Variants in PLET1 observed in about 807,000 individuals in gnomAD.
PLET1 encodes placenta-expressed transcript 1 protein.
Under a neutral mutation model 18.5 loss-of-function variants are expected in PLET1, and 20 were observed. The observed-to-expected ratio is 1.08, with a 90% CI of 0.76 to 1.57. The LOEUF (loss-of-function observed/expected upper bound fraction) is 1.57, where lower values mean the gene tolerates loss of function less well. Ranked by LOEUF, PLET1 falls within the 40% of genes most tolerant of loss-of-function variation. PLET1 has a pLI of 0.00. For synonymous variants in PLET1, 93 were observed against 93.8 expected (o/e 0.99, Z 0.05); for missense variants, 256 against 246.4 (o/e 1.04, Z -0.26).
chr11:112,260,128 C>T (rs945562792), intron 1 of PLET1: 3 of 362,634 alleles, frequency 8.3e-6, no homozygotes, highest in Non-Finnish European at 1.5e-5. Flanking sequence ...TTATTTAAGT[C>T]AGAGAATCTA....
intron 1 of PLET1, 165 bp downstream of exon 1, chr11:112,260,241 C>T: frequency 1.4e-6 from 1 of 723,406 alleles, no homozygotes; most frequent in Non-Finnish European, 2.1e-6. Context: ...CCCCCCAGCC[C>T]ACTCCCTTAA....
At chr11:112,259,956 T>C (rs1200002764) in intron 1 of PLET1, among the ~76,000 whole-genome samples, 1 of 152,168 alleles carries the variant, frequency 6.6e-6, no homozygotes, top group Non-Finnish European at 1.5e-5. Context: ...AAGAATTGCT[T>C]GAACCCAGGA....
At chr11:112,255,288 A>C in intron 2 of PLET1, 100 bp downstream of exon 2, 1 of 1,215,364 alleles carries the variant, frequency 8.2e-7, no homozygotes, top group South Asian at 1.3e-5. Flanking sequence ...TCTCCATATC[A>C]CGTCTGGATT....
At chr11:112,257,318 C>T (rs1032261272) in intron 1 of PLET1, among the ~76,000 whole-genome samples, 1 of 152,092 alleles carries the variant, frequency 6.6e-6, no homozygotes, top group African/African-American at 2.4e-5. Context: ...TCCACTCCAA[C>T]AGCTTGCTTA....
intron 2 of PLET1, 149 bp from the exon 3 acceptor site, chr11:112,252,558 G>T: frequency 1.5e-6 from 1 of 689,348 alleles, no homozygotes; most frequent in Non-Finnish European, 2.4e-6. Context: ...ATACTGGTCT[G>T]CTTTTGATTG....
chr11:112,254,189 TG>T (rs1860185660), intron 2 of PLET1, among the ~76,000 whole-genome samples: 1 of 86,926 alleles, frequency 1.2e-5, no homozygotes, highest in South Asian at 4.8e-4. Flanking sequence ...TGAGCATAAG[TG>T]GTGTGTGTGT....
chr11:112,257,164 C>G (rs1333422299), intron 1 of PLET1, among the ~76,000 whole-genome samples: 1 of 152,194 alleles, frequency 6.6e-6, no homozygotes. Context: ...AAGAACCTAG[C>G]CTCAGCCTGC....
In PLET1 at chr11:112,251,137, G is replaced by T. The variant is rs187756439; in HGVS notation, c.448+1211C>A. Among the ~76,000 whole-genome samples the T allele has an allele frequency of 3.6e-4, 55 of 152,220 alleles. 1 individual carries two copies. In the East Asian group the frequency reaches 9.8e-3, roughly 27 times the overall value. ...TTTAAAAAAGTCATTCAAAAACAAT[G>T]TATTTTTATAGTTTTGATGTAAGTC... On this transcript the variant is annotated intron_variant, in intron 3 of 3. Coordinates refer to ENST00000338832, the MANE Select transcript of PLET1 (RefSeq NM_001145024.1).
rs1044664934 is a variant in PLET1 at position 112,253,752 on chromosome 11, A to G, written c.387-1343T>C. Among the ~76,000 whole-genome samples, 5 of 152,168 alleles carry G rather than the reference A, an allele frequency of 3.3e-5. No homozygotes were observed. The South Asian group carries it at 6.2e-4, about 19-fold the overall frequency. ...CCTCCTCCAAAGCCAATTAGGTCCA[A>G]CCAGGCCCAGTGCATGGAGGGAGAG... On this transcript the variant is annotated intron_variant, in intron 2 of 3. Coordinates refer to ENST00000338832, the MANE Select transcript of PLET1 (RefSeq NM_001145024.1).
At chr11:112,255,278 T>C in intron 2 of PLET1, 110 bp downstream of exon 2, 1 of 1,135,800 alleles carries the variant, frequency 8.8e-7, no homozygotes, top group Non-Finnish European at 1.3e-6. Context: ...ACTGCTGAGT[T>C]CTCCATATCA....
At position 112,248,946 on chromosome 11, in the gene PLET1, A is replaced by C; in HGVS notation, c.477T>G (p.Ile159Met). Residue 159 changes from isoleucine (I) to methionine (M), a missense_variant, in exon 4 of 4, where the codon ATT becomes ATG. Transcript: ENST00000338832. ...AAGGCTTGAAGGCTGAGCTCTGGGG[A>C]ATCTTGGCAGCTAAGGCTAAGGTTG... ...KLSTLALAAK[I>M]PQSSAFKPFF... is the part of the protein sequence containing the mutation. 1 of 1,550,652 alleles carries C rather than the reference A, an allele frequency of 6.4e-7. No homozygotes were observed. Among genetic ancestry groups the C allele is most frequent in the South Asian group, 1.2e-5 (1 of 84,006 alleles).
At chr11:112,251,310 G>C (rs1005672850) in intron 3 of PLET1, among the ~76,000 whole-genome samples, 1 of 151,472 alleles carries the variant, frequency 6.6e-6, no homozygotes, top group Non-Finnish European at 1.5e-5. Flanking sequence ...TAGGCTGGGC[G>C]TGGTGGCTCA....
chr11:112,251,908 A>G (rs982219063), intron 3 of PLET1, among the ~76,000 whole-genome samples: 1 of 152,182 alleles, frequency 6.6e-6, no homozygotes, highest in East Asian at 1.9e-4. Context: ...TATGATATCA[A>G]TCCTTCTTTG....
At chr11:112,258,281 C>CTT (rs35254168) in intron 1 of PLET1, among the ~76,000 whole-genome samples, 8 of 97,682 alleles carry the variant, frequency 8.2e-5, no homozygotes, top group East Asian at 3.0e-4. Context: ...TTCTTTCTTT[C>CTT]TTTTTTTTTT....
chr11:112,252,335 C>T lies in PLET1; in HGVS notation c.448+13G>A. 1 of 1,548,048 alleles carries T rather than the reference C, an allele frequency of 6.5e-7. No individual in the cohort carries two copies. Among genetic ancestry groups the T allele is most frequent in the Non-Finnish European group, 8.7e-7 (1 of 1,143,758 alleles). Reference sequence around the variant, plus strand: ...CATTGCAAGACTTGCAAATGGGCTGCAAAGGAACTCACGTTTTTCTCTTAG... The same window carrying T: ...CATTGCAAGACTTGCAAATGGGCTGTAAAGGAACTCACGTTTTTCTCTTAG... On this transcript the variant is annotated intron_variant, in intron 3 of 3. Transcript: ENST00000338832.
At chr11:112,249,524 G>GACCT (rs1402329558) in intron 3 of PLET1, among the ~76,000 whole-genome samples, 1 of 152,140 alleles carries the variant, frequency 6.6e-6, no homozygotes, top group African/African-American at 2.4e-5. Context: ...TATATGAAGG[G>GACCT]ACCTGATCAC....
chr11:112,257,039 ACT>A (rs1486403303), intron 1 of PLET1, among the ~76,000 whole-genome samples: 1 of 152,002 alleles, frequency 6.6e-6, no homozygotes, highest in African/African-American at 2.4e-5. Flanking sequence ...ATCAGAACAC[ACT>A]CCTGTCCAAA....
At position 112,248,862 on chromosome 11, in the gene PLET1, G is replaced by T; in HGVS notation, c.561C>A (p.Ser187Arg). 1.3e-6 allele frequency: 2 copies of T among 1,551,646 alleles called. No individual in the cohort carries two copies. The highest frequency in any genetic ancestry group is 1.7e-6 in the Non-Finnish European group (2 of 1,146,982). The change falls in exon 4 of 4, where the codon AGC becomes AGA. Residue 187 changes from serine (S) to arginine (R), a missense_variant. By Grantham distance (110) the Ser-to-Arg change is moderately radical. Coordinates refer to ENST00000338832, the MANE Select transcript of PLET1 (RefSeq NM_001145024.1). The part of the protein sequence containing the change: ...RLEGLANQVF[S>R]SPITEAIYIL... ...TATAAATGGCCTCTGTGATGGGGCTGCTGAAGACTTGGTTGGCCAAGCCTT... is the reference window on the plus strand; with the variant it reads ...TATAAATGGCCTCTGTGATGGGGCTTCTGAAGACTTGGTTGGCCAAGCCTT...
At position 112,250,507 on chromosome 11, in the gene PLET1, A is replaced by G. The variant is rs570407012; in HGVS notation, c.449-1533T>C. ...TAGTTACGCTTTGATGGACTTACAC[A>G]CTAAAATGTCAGGGATAGTTTTCTT... On this transcript the variant is annotated intron_variant, in intron 3 of 3. Coordinates refer to ENST00000338832, the MANE Select transcript of PLET1 (RefSeq NM_001145024.1). Among the ~76,000 whole-genome samples the G allele has an allele frequency of 8.0e-4, 121 of 152,120 alleles. 1 individual carries two copies. Among genetic ancestry groups the G allele is most frequent in the Non-Finnish European group, 1.1e-3 (72 of 67,998 alleles).
Sources: gnomAD v4.1 joint callset for allele counts (sites outside exome capture counted in the v4.1 genomes callset) on GRCh38, gnomAD v4.1.1 for gene constraint, MANE v1.5 for transcripts, NCBI Gene and HGNC (gene_info 2026-07-23, HGNC 2026-07-21) for gene names.